The following HAVCR1 variants were observed in gnomAD, a reference collection of about 807,000 sequenced individuals.
The protein encoded by HAVCR1 is T cell immunoglobin domain and mucin domain protein 1.
HAVCR1 carries 34 observed loss-of-function variants against 32.0 expected under a neutral mutation model. That is an observed-to-expected ratio of 1.06 (90% CI 0.81 to 1.42). HAVCR1 has a LOEUF of 1.42. Ranked by LOEUF, HAVCR1 falls within the 40% of genes most tolerant of loss-of-function variation. HAVCR1 has a pLI of 0.00. For missense variants in HAVCR1, 420 were observed against 442.3 expected, an observed-to-expected ratio of 0.95 and a Z score of 0.45; for synonymous variants, 178 against 170.3, an observed-to-expected ratio of 1.05 and a Z score of -0.35.
chr5:157,040,968 CTTTT>C (rs1754856658), intron 6 of HAVCR1, among the ~76,000 whole-genome samples: 1 of 152,122 alleles, frequency 6.6e-6, no homozygotes, highest in East Asian at 1.9e-4. Context: ...TAACCTCAGA[CTTTT>C]TTTGTTTGTT....
intron 5 of HAVCR1, among the ~76,000 whole-genome samples, chr5:157,045,514 A>C (rs781466333): frequency 6.6e-6 from 1 of 152,220 alleles, no homozygotes; most frequent in Non-Finnish European, 1.5e-5. Context: ...AGGAATGTTC[A>C]ACAATTTTCC....
chr5:157,038,032 A>AAT (rs1561583421), intron 6 of HAVCR1, among the ~76,000 whole-genome samples: 1 of 151,574 alleles, frequency 6.6e-6, no homozygotes, highest in Non-Finnish European at 1.5e-5. Context: ...AGAAAAAAAA[A>AAT]TTGTTTATAT....
intron 6 of HAVCR1, among the ~76,000 whole-genome samples, chr5:157,042,093 T>G (rs7701934): frequency 0.021 from 3,154 of 151,688 alleles, 93 homozygotes; most frequent in African/African-American, 0.072. Context: ...CCCTATTTTC[T>G]CCCAACAGAA....
intron 3 of HAVCR1, among the ~76,000 whole-genome samples, chr5:157,053,065 A>G (rs1230567601): frequency 6.6e-6 from 1 of 152,056 alleles, no homozygotes; most frequent in Non-Finnish European, 1.5e-5. Flanking sequence ...TGCAGGCATC[A>G]CCACACCCGG....
Position 157,054,432 on chromosome 5 carries a change from A to T in HAVCR1, c.379+769T>A, listed in dbSNP as rs186758293. On this transcript the variant is annotated intron_variant, in intron 3 of 8. Transcript: ENST00000523175. Reference sequence around the variant, plus strand: ...GGCAGGAGAATTGCTTGAACCTGGGAGGCAGAGGGTTGCAGTGAGCCACGA... The same window carrying T: ...GGCAGGAGAATTGCTTGAACCTGGGTGGCAGAGGGTTGCAGTGAGCCACGA... Among the ~76,000 whole-genome samples the T allele has an allele frequency of 3.9e-5, 6 of 152,180 alleles. No homozygotes were observed. In the East Asian group the frequency reaches 1.2e-3, roughly 29 times the overall value.
intron 5 of HAVCR1, among the ~76,000 whole-genome samples, chr5:157,045,318 C>T (rs139592236): frequency 1.7e-4 from 26 of 152,134 alleles, no homozygotes; most frequent in Non-Finnish European, 2.6e-4. Context: ...AGCTACAGTA[C>T]GCATGAACTA....
intron 6 of HAVCR1, among the ~76,000 whole-genome samples, chr5:157,040,052 A>C (rs1395839541): frequency 1.3e-5 from 2 of 152,192 alleles, no homozygotes; most frequent in South Asian, 2.1e-4. Flanking sequence ...GAATCCCAGC[A>C]CTTTGGAAGG....
intron 3 of HAVCR1, among the ~76,000 whole-genome samples, chr5:157,054,774 C>T (rs114608070): frequency 0.013 from 1,903 of 152,208 alleles, 33 homozygotes; most frequent in African/African-American, 0.043. Flanking sequence ...TCATTATTCC[C>T]TAAATATTTC....
chr5:157,033,219 A>G (rs1287868780), intron 7 of HAVCR1, among the ~76,000 whole-genome samples: 1 of 152,184 alleles, frequency 6.6e-6, no homozygotes, highest in African/African-American at 2.4e-5. Flanking sequence ...ACAGGCGTCA[A>G]CCAAGATTTG....
intron 8 of HAVCR1, among the ~76,000 whole-genome samples, chr5:157,032,127 G>A (rs1754214136): frequency 1.3e-5 from 2 of 152,106 alleles, no homozygotes; most frequent in South Asian, 4.1e-4. Context: ...TTGCTTACAT[G>A]GTTTTTGTCT....
intron 7 of HAVCR1, among the ~76,000 whole-genome samples, chr5:157,036,397 T>C (rs906955521): frequency 1.3e-5 from 2 of 152,158 alleles, no homozygotes; most frequent in Non-Finnish European, 2.9e-5. Context: ...GAGAATGGCT[T>C]GAACTCAGGA....
At chr5:157,062,256 C>T (rs543055971), upstream of HAVCR1, among the ~76,000 whole-genome samples, 1 of 152,158 alleles carries the variant, frequency 6.6e-6, no homozygotes, top group South Asian at 2.1e-4. Flanking sequence ...GCCTGTAATC[C>T]CAGCTACTTG....
chr5:157,057,569 T>C (rs1756289474), intron 2 of HAVCR1, among the ~76,000 whole-genome samples: 1 of 152,056 alleles, frequency 6.6e-6, no homozygotes, highest in Admixed American at 6.6e-5. Context: ...TTACCCACTG[T>C]CACTATTTCC....
chr5:157,058,279 C>G, intron 1 of HAVCR1: 2 of 221,138 alleles, frequency 9.0e-6, no homozygotes, highest in Non-Finnish European at 1.8e-5. Context: ...AAAAAGGAAA[C>G]AGGGCCGGGC....
At position 157,029,642 on chromosome 5, in the gene HAVCR1, TGTCTTGGG is replaced by T; in HGVS notation, c.*83_*90del. On this transcript the variant is annotated 3_prime_UTR_variant, in exon 9 of 9. Transcript: ENST00000523175. ...CCAGATGAAACTGAAACAGAAAAAT[TGTCTTGGG>T]GTCTAAAAGACGTCTGATGTGCTGA... The T allele has an allele frequency of 6.3e-7, 1 of 1,579,146 alleles. No individual in the cohort carries two copies. Among genetic ancestry groups the T allele is most frequent in the South Asian group, 1.1e-5 (1 of 88,582 alleles).
rs1375157298 is a variant in HAVCR1, at chr5:157,032,946, G to A, written c.953-59C>T. ...GAGAAAACTAAACATCTCAGCAAGA[G>A]TTTTAATCTTTTTTTCAATCAAGTG... On this transcript the variant is annotated intron_variant, in intron 7 of 8. Transcript: ENST00000523175. The A allele has an allele frequency of 6.8e-6, 7 of 1,023,322 alleles. No homozygotes were observed. In the East Asian group the frequency reaches 1.7e-4, roughly 25 times the overall value. The allele number at this position is 1,023,322 out of a possible 1,614,324, so 63.4% of individuals were successfully genotyped here. A position where few individuals can be genotyped will look rare whatever the true frequency, so the allele number is the denominator to read the frequency against.
intron 5 of HAVCR1, among the ~76,000 whole-genome samples, chr5:157,044,000 C>T (rs888549646): frequency 1.3e-5 from 2 of 152,102 alleles, no homozygotes; most frequent in African/African-American, 2.4e-5. Context: ...ATTTACATTA[C>T]TGTGTTTACA....
chr5:157,059,794 G>A (rs1756430474), upstream of HAVCR1, among the ~76,000 whole-genome samples: 1 of 151,072 alleles, frequency 6.6e-6, no homozygotes, highest in Non-Finnish European at 1.5e-5. Flanking sequence ...GACCAACCTG[G>A]GCAACATAGC....
chr5:157,044,814 G>T (rs910986836), intron 5 of HAVCR1, among the ~76,000 whole-genome samples: 5 of 142,266 alleles, frequency 3.5e-5, no homozygotes, highest in African/African-American at 5.3e-5. Context: ...AGAGGATGGG[G>T]TGATGCAGAA....
Sources: allele counts gnomAD v4.1 joint callset (sites outside exome capture counted in the v4.1 genomes callset), GRCh38; gene constraint gnomAD v4.1.1; transcripts MANE v1.5; gene names NCBI Gene and HGNC (gene_info 2026-07-23, HGNC 2026-07-21).